EPHB1: variants seen among roughly 807,000 people sequenced by gnomAD.
The protein encoded by EPHB1 is ephrin type-B receptor 1.
Under a neutral mutation model 94.4 loss-of-function variants are expected in EPHB1, and 30 were observed. The ratio of observed to expected loss-of-function variants is 0.32; its 90% confidence interval spans 0.24 to 0.43. EPHB1 has a LOEUF of 0.43. EPHB1 is among the 20% of genes least tolerant of loss of function. EPHB1 has a pLI of 1.00. For synonymous variants in EPHB1, 522 were observed against 489.1 expected (o/e 1.07, Z -0.89); for missense variants, 1,055 against 1,308.3 (o/e 0.81, Z 2.99).
chr3:134,935,105 A>C (rs2038976657), intron 2 of EPHB1, among the ~76,000 whole-genome samples: 1 of 152,190 alleles, frequency 6.6e-6, no homozygotes, highest in African/African-American at 2.4e-5. Flanking sequence ...ATTGAAGGAC[A>C]AGTGGCTCTC....
At chr3:134,832,158 G>C (rs1296976090) in intron 1 of EPHB1, among the ~76,000 whole-genome samples, 2 of 152,244 alleles carry the variant, frequency 1.3e-5, no homozygotes, top group African/African-American at 4.8e-5. Flanking sequence ...CTTATTCTAA[G>C]AAAATTATTC....
At chr3:135,234,556 A>G (rs1943603604) in intron 12 of EPHB1, among the ~76,000 whole-genome samples, 1 of 152,158 alleles carries the variant, frequency 6.6e-6, no homozygotes, top group Non-Finnish European at 1.5e-5. Context: ...ACTGGTACCA[A>G]TTTACTGTAT....
At chr3:134,913,670 G>A (rs114244799) in intron 1 of EPHB1, among the ~76,000 whole-genome samples, 5 of 152,334 alleles carry the variant, frequency 3.3e-5, no homozygotes, top group Non-Finnish European at 5.9e-5. Context: ...TTCCATCAAG[G>A]GGTCGAGGGC....
intron 3 of EPHB1, among the ~76,000 whole-genome samples, chr3:135,043,643 C>T (rs1004313060): frequency 2.0e-5 from 3 of 152,244 alleles, no homozygotes; most frequent in Non-Finnish European, 4.4e-5. Flanking sequence ...CTGAGGATTC[C>T]TTGCACCTGG....
At chr3:134,842,262 C>T (rs1017645943) in intron 1 of EPHB1, among the ~76,000 whole-genome samples, 5 of 152,220 alleles carry the variant, frequency 3.3e-5, no homozygotes, top group Non-Finnish European at 1.5e-5. Flanking sequence ...TTGGACTTCT[C>T]AGCCTCGAGA....
chr3:135,131,267 A>G (rs1037329979), intron 4 of EPHB1, among the ~76,000 whole-genome samples: 7 of 152,196 alleles, frequency 4.6e-5, no homozygotes, highest in African/African-American at 1.7e-4. Flanking sequence ...TCAAGTTTTA[A>G]TAGAACCCGA....
At chr3:135,164,581 G>C (rs990849177) in intron 7 of EPHB1, among the ~76,000 whole-genome samples, 2 of 152,136 alleles carry the variant, frequency 1.3e-5, no homozygotes, top group African/African-American at 4.8e-5. Flanking sequence ...GGCCGAGACA[G>C]GTGGATCACT....
chr3:135,076,150 A>T (rs1576364948), intron 3 of EPHB1, among the ~76,000 whole-genome samples: 1 of 151,914 alleles, frequency 6.6e-6, no homozygotes, highest in Non-Finnish European at 1.5e-5. Flanking sequence ...TTTCTTAGAT[A>T]TGACTCCAAA....
At chr3:134,931,306 C>G (rs2038898757) in intron 2 of EPHB1, among the ~76,000 whole-genome samples, 1 of 152,244 alleles carries the variant, frequency 6.6e-6, no homozygotes, top group Non-Finnish European at 1.5e-5. Context: ...AACCTAGTCC[C>G]TCTGATCAAG....
intron 3 of EPHB1, among the ~76,000 whole-genome samples, chr3:135,088,686 C>T (rs1460089238): frequency 6.6e-6 from 1 of 152,134 alleles, no homozygotes; most frequent in Non-Finnish European, 1.5e-5. Context: ...TAACTTTCTC[C>T]CAGAAGTCAC....
intron 1 of EPHB1, among the ~76,000 whole-genome samples, chr3:134,852,049 A>C (rs1035859200): frequency 6.6e-6 from 1 of 152,186 alleles, no homozygotes; most frequent in Non-Finnish European, 1.5e-5. Flanking sequence ...AGTTCAGATT[A>C]TGTGCCCCAT....
intron 12 of EPHB1, among the ~76,000 whole-genome samples, chr3:135,234,249 T>C (rs1392225560): frequency 6.6e-6 from 1 of 152,194 alleles, no homozygotes; most frequent in Admixed American, 6.5e-5. Flanking sequence ...CACAGACCTC[T>C]AGGGCAGGGG....
intron 3 of EPHB1, among the ~76,000 whole-genome samples, chr3:134,955,660 G>T (rs1343283688): frequency 2.5e-5 from 1 of 40,414 alleles, no homozygotes; most frequent in Non-Finnish European, 4.8e-5. Context: ...CTGCTATAAA[G>T]ACACATGCAC....
chr3:135,258,732 A>G (rs1313965048), intron 15 of EPHB1, among the ~76,000 whole-genome samples: 1 of 152,218 alleles, frequency 6.6e-6, no homozygotes, highest in African/African-American at 2.4e-5. Flanking sequence ...TCAGGAGACA[A>G]TGAAGGGGCT....
At chr3:135,116,617 T>C (rs940348987) in intron 4 of EPHB1, among the ~76,000 whole-genome samples, 2 of 152,200 alleles carry the variant, frequency 1.3e-5, no homozygotes, top group South Asian at 4.1e-4. Flanking sequence ...ATTGATCCAC[T>C]GGACCCTCTG....
intron 3 of EPHB1, among the ~76,000 whole-genome samples, chr3:135,033,543 G>C (rs1420232263): frequency 2.0e-5 from 3 of 152,202 alleles, no homozygotes; most frequent in African/African-American, 7.2e-5. Context: ...TGCATTTGGA[G>C]GGTCTAGGAA....
chr3:134,900,125 A>G (rs1249772708), intron 1 of EPHB1, among the ~76,000 whole-genome samples: 2 of 152,176 alleles, frequency 1.3e-5, no homozygotes, highest in Non-Finnish European at 2.9e-5. Flanking sequence ...CTCCTTCTAT[A>G]GAAATGTGAC....
At chr3:135,185,816 C>A (rs991328397) in intron 10 of EPHB1, among the ~76,000 whole-genome samples, 2 of 152,172 alleles carry the variant, frequency 1.3e-5, no homozygotes, top group South Asian at 2.1e-4. Context: ...TTTTGGAATA[C>A]CCATTGCTTC....
intron 3 of EPHB1, among the ~76,000 whole-genome samples, chr3:135,005,621 G>A (rs1444278133): frequency 7.9e-5 from 12 of 152,218 alleles, no homozygotes; most frequent in African/African-American, 1.4e-4. Flanking sequence ...CTCCGTGGGT[G>A]TAGGACCCTC....
Sources: allele counts gnomAD v4.1 joint callset (sites outside exome capture counted in the v4.1 genomes callset), GRCh38; gene constraint gnomAD v4.1.1; transcripts MANE v1.5; gene names NCBI Gene and HGNC (gene_info 2026-07-23, HGNC 2026-07-21).